PDIA5: variants seen among roughly 807,000 people sequenced by gnomAD.
PDIA5 encodes the protein protein disulfide-isomerase A5.
A neutral mutation model predicts 77.6 loss-of-function variants in PDIA5; 58 were observed. That is an observed-to-expected ratio of 0.75 (90% CI 0.61 to 0.93). The LOEUF (loss-of-function observed/expected upper bound fraction) is 0.93. Ranked by LOEUF, PDIA5 falls within the 40% of genes least tolerant of loss-of-function variation. The probability of loss-of-function intolerance (pLI) is 0.00; values close to 1 mark genes in which losing one functional copy is unlikely to be tolerated. For synonymous variants in PDIA5, 250 were observed against 252.1 expected, an observed-to-expected ratio of 0.99 and a Z score of 0.08; for missense variants, 630 against 647.7, an observed-to-expected ratio of 0.97 and a Z score of 0.30.
intron 8 of PDIA5, among the ~76,000 whole-genome samples, chr3:123,120,732 T>C (rs1355295569): frequency 6.6e-6 from 1 of 152,186 alleles, no homozygotes; most frequent in Non-Finnish European, 1.5e-5. Context: ...AAATTCAGTA[T>C]CTTTCCATCT....
At chr3:123,151,852 C>T (rs988742309) in intron 14 of PDIA5, among the ~76,000 whole-genome samples, 11 of 148,890 alleles carry the variant, frequency 7.4e-5, no homozygotes, top group African/African-American at 2.7e-4. Context: ...TGCCTTCCTT[C>T]CTGCCCTCCT....
At chr3:123,154,867 G>A (rs988619698) in intron 14 of PDIA5, 104 bp from the exon 15 acceptor site, 5 of 771,694 alleles carry the variant, frequency 6.5e-6, no homozygotes, top group South Asian at 1.4e-5. Flanking sequence ...GCAGTGGGGA[G>A]CTCCTGGAGA....
chr3:123,072,953 T>TGTGTGTGTGTGTGTGTGTGTGGG (rs1933764992), intron 1 of PDIA5, among the ~76,000 whole-genome samples: 1 of 151,936 alleles, frequency 6.6e-6, no homozygotes, highest in African/African-American at 2.4e-5. Context: ...TATGTGGTGT[T>TGTGTGTGTGTGTGTGTGTGTGGG]GTTGTTTTTA....
At chr3:123,150,545 C>T (rs1231332484) in intron 14 of PDIA5, among the ~76,000 whole-genome samples, 181 bp downstream of exon 14, 1 of 152,158 alleles carries the variant, frequency 6.6e-6, no homozygotes, top group Non-Finnish European at 1.5e-5. Context: ...AAATCCAGGG[C>T]CTCCTTTTGT....
chr3:123,079,397 G>T (rs1319945249), intron 1 of PDIA5, among the ~76,000 whole-genome samples: 1 of 151,996 alleles, frequency 6.6e-6, no homozygotes, highest in African/African-American at 2.4e-5. Flanking sequence ...GGCCAGGATG[G>T]TCTCGATCTC....
At chr3:123,122,600 A>G (rs1218550462) in intron 8 of PDIA5, among the ~76,000 whole-genome samples, 1 of 152,230 alleles carries the variant, frequency 6.6e-6, no homozygotes, top group Non-Finnish European at 1.5e-5. Flanking sequence ...AAGACTTGGT[A>G]GGAAGATGAC....
At position 123,124,618 on chromosome 3, in the gene PDIA5, G is replaced by A. The variant is rs973747840; in HGVS notation, c.773+275G>A. Among the ~76,000 whole-genome samples, 6 of 152,198 alleles carry A rather than the reference G, an allele frequency of 3.9e-5. No individual in the cohort carries two copies. In the South Asian group the frequency reaches 6.2e-4, roughly 16 times the overall value. ...GTGGAGTCTGTCTCCCCTACCTCCC[G>A]TCTCCACGGGTTGGAACTGGGGAGG... On this transcript the variant is annotated intron_variant, in intron 10 of 16. Transcript: ENST00000316218.
Position 123,150,228 on chromosome 3 carries a change from T to C in PDIA5, c.1143-6T>C. 1 of 1,609,426 alleles carries C rather than the reference T, an allele frequency of 6.2e-7. No homozygotes were observed. Among genetic ancestry groups the C allele is most frequent in the South Asian group, 1.1e-5 (1 of 90,642 alleles). On this transcript the variant is annotated splice_polypyrimidine_tract_variant and splice_region_variant and intron_variant, in intron 13 of 16. Coordinates refer to ENST00000316218, the MANE Select transcript of PDIA5 (RefSeq NM_006810.4). ...GCTGCCTCCCCACTCCCCTGGCTTCTTGCAGCCCTGAGGCCCCCCCGCCCC... is the reference window on the plus strand; with the variant it reads ...GCTGCCTCCCCACTCCCCTGGCTTCCTGCAGCCCTGAGGCCCCCCCGCCCC...
At chr3:123,089,968 A>C (rs1560504462) in intron 2 of PDIA5, among the ~76,000 whole-genome samples, 1 of 152,178 alleles carries the variant, frequency 6.6e-6, no homozygotes, top group African/African-American at 2.4e-5. Context: ...ACTCTGTTGA[A>C]GTTGTTCCAG....
At chr3:123,090,652 A>G (rs1036910349) in intron 2 of PDIA5, among the ~76,000 whole-genome samples, 3 of 152,200 alleles carry the variant, frequency 2.0e-5, no homozygotes, top group African/African-American at 7.2e-5. Flanking sequence ...TGATTCTGCA[A>G]TGACAGAAGG....
At chr3:123,105,760 CACAT>C (rs1349780445) in intron 5 of PDIA5, among the ~76,000 whole-genome samples, 3 of 149,994 alleles carry the variant, frequency 2.0e-5, no homozygotes, top group African/African-American at 7.5e-5. Context: ...CACACACACA[CACAT>C]ACACTCTCAG....
In PDIA5 at chr3:123,151,827, GCCTTCCTGCCTGCCTGCCTT is replaced by G. The variant is rs1455353222; in HGVS notation, c.1273+1474_1273+1493del. On this transcript the variant is annotated intron_variant, in intron 14 of 16. Transcript: ENST00000316218. ...TGCCTTCCTGCCTGCCTGCCTGCCT[GCCTTCCTGCCTGCCTGCCTT>G]CCTTCCTGCCCTCCTTCCTTCCTGC... Among the ~76,000 whole-genome samples, 4 of 130,122 alleles carry G rather than the reference GCCTTCCTGCCTGCCTGCCTT, an allele frequency of 3.1e-5. No individual in the cohort carries two copies. The Admixed American group carries it at 3.2e-4, about 11-fold the overall frequency. 85.4% of individuals were successfully genotyped at this position (130,122 alleles called of 152,430 possible).
At chr3:123,134,368 G>T (rs887315961) in intron 11 of PDIA5, among the ~76,000 whole-genome samples, 1 of 152,152 alleles carries the variant, frequency 6.6e-6, no homozygotes, top group African/African-American at 2.4e-5. Flanking sequence ...CCCCAGGGGG[G>T]TGCTCTCTGG....
At chr3:123,122,531 G>C (rs772995720) in intron 8 of PDIA5, among the ~76,000 whole-genome samples, 8 of 152,310 alleles carry the variant, frequency 5.3e-5, no homozygotes, top group Non-Finnish European at 1.0e-4. Context: ...CAATTGGAAA[G>C]ATATCCAGGT....
chr3:123,115,483 G>A (rs550066592), intron 7 of PDIA5, among the ~76,000 whole-genome samples: 1 of 152,300 alleles, frequency 6.6e-6, no homozygotes, highest in Admixed American at 6.5e-5. Flanking sequence ...GCTGAGCCAA[G>A]GCCATCGCAG....
At chr3:123,068,740 G>T (rs150696088) in intron 1 of PDIA5, among the ~76,000 whole-genome samples, 1 of 152,212 alleles carries the variant, frequency 6.6e-6, no homozygotes, top group East Asian at 1.9e-4. Context: ...GATTTTGGGC[G>T]GAGAGCAAAA....
chr3:123,109,541 CTAGT>C (rs1934815617), intron 6 of PDIA5, among the ~76,000 whole-genome samples: 1 of 152,086 alleles, frequency 6.6e-6, no homozygotes, highest in Non-Finnish European at 1.5e-5. Flanking sequence ...AATGCTCTCT[CTAGT>C]TACGTAAACA....
At chr3:123,157,719 AT>A (rs1936051432) in intron 15 of PDIA5, among the ~76,000 whole-genome samples, 2 of 152,190 alleles carry the variant, frequency 1.3e-5, no homozygotes, top group African/African-American at 4.8e-5. Context: ...GGCAGCTCAT[AT>A]TTTAGCAGGG....
chr3:123,125,084 T>C (rs1935210989), intron 10 of PDIA5, among the ~76,000 whole-genome samples: 2 of 152,092 alleles, frequency 1.3e-5, no homozygotes, highest in Admixed American at 6.5e-5. Context: ...TTCCCACTTC[T>C]CACCAGCACT....
Sources: allele counts gnomAD v4.1 joint callset (sites outside exome capture counted in the v4.1 genomes callset), GRCh38; gene constraint gnomAD v4.1.1; transcripts MANE v1.5; gene names NCBI Gene and HGNC (gene_info 2026-07-23, HGNC 2026-07-21).